The following COX19 variants were observed in gnomAD, a reference collection of about 807,000 sequenced individuals.
COX19 encodes cytochrome c oxidase assembly factor COX19, also known as cytochrome c oxidase assembly protein COX19.
Under a neutral mutation model 6.8 loss-of-function variants are expected in COX19, and 8 were observed. The observed-to-expected ratio is 1.18, with a 90% confidence interval of 0.69 to 2.12. The LOEUF (loss-of-function observed/expected upper bound fraction) is 2.12. Among genes scored for constraint, COX19 ranks in the 30% most tolerant of loss-of-function variants. COX19 has a pLI of 0.00. For missense variants in COX19, 131 were observed against 104.6 expected, an observed-to-expected ratio of 1.25 and a Z score of -1.10; for synonymous variants, 51 against 38.0, an observed-to-expected ratio of 1.34 and a Z score of -1.26.
rs1847603206 is a variant in COX19 at position 969,320 on chromosome 7, T to C, written c.*58A>G. On this transcript the variant is annotated 3_prime_UTR_variant, in exon 3 of 3. Coordinates refer to ENST00000344111, the MANE Select transcript of COX19 (RefSeq NM_001031617.3). ...GCCTCAGCCAACCTAAGAGGCAGGA[T>C]GATGCCCTCCGTCCTGAGAGACCAC... 3.7e-6 allele frequency: 4 copies of C among 1,084,350 alleles called. No individual in the cohort carries two copies. In the South Asian group the frequency reaches 3.7e-5, roughly 10 times the overall value. The allele number at this position is 1,084,350 out of a possible 1,614,324, so 67.2% of individuals were successfully genotyped here.
At position 965,341 on chromosome 7, in the gene COX19, G is replaced by A. The variant is rs763399750; in HGVS notation, c.*4037C>T. 1.0e-3 allele frequency among the ~76,000 whole-genome samples: 159 copies of A among 152,142 alleles called. 1 individual carries two copies. Among genetic ancestry groups the A allele is most frequent in the Non-Finnish European group, 1.9e-3 (127 of 68,030 alleles). On this transcript the variant is annotated 3_prime_UTR_variant, in exon 3 of 3. Coordinates refer to ENST00000344111, the MANE Select transcript of COX19 (RefSeq NM_001031617.3). ...CAAATAACATCTTACATAACACTGG[G>A]CCAGCGCTGCCAGTCACTTCGCAGA... is the stretch of plus-strand genomic sequence containing the variant.
chr7:970,988 T>C (rs901719043), intron 2 of COX19, among the ~76,000 whole-genome samples: 24 of 152,304 alleles, frequency 1.6e-4, no homozygotes, highest in African/African-American at 5.3e-4. Context: ...GTTACTATCA[T>C]GTGAACTCAC....
chr7:965,468 G>A lies in COX19; in HGVS notation c.*3910C>T, dbSNP rs1488277668. 6.6e-6 allele frequency among the ~76,000 whole-genome samples: 1 copy of A among 152,152 alleles called. No individual in the cohort carries two copies. The highest frequency in any genetic ancestry group is 1.5e-5 in the Non-Finnish European group (1 of 68,038). ...GAGGTGATACCGTGCCCTCAGGGAC[G>A]CCCCCAGGTCGGTGCGGCCTGTGCG... On this transcript the variant is annotated 3_prime_UTR_variant, in exon 3 of 3. Transcript: ENST00000344111.
In COX19 at chr7:968,575, G is replaced by A. The variant is rs1040556454; in HGVS notation, c.*803C>T. 3.3e-5 allele frequency: 5 copies of A among 152,252 alleles called. No individual in the cohort carries two copies. Among genetic ancestry groups the A allele is most frequent in the East Asian group, 1.9e-4 (1 of 5,204 alleles). 9.4% of individuals were successfully genotyped at this position (152,252 alleles called of 1,614,324 possible). A position where few individuals can be genotyped will look rare whatever the true frequency, so the allele number is the denominator to read the frequency against. On this transcript the variant is annotated 3_prime_UTR_variant, in exon 3 of 3. Coordinates refer to ENST00000344111, the MANE Select transcript of COX19 (RefSeq NM_001031617.3). ...CTGACGCACTGGGTGGACATGGGCC[G>A]GGTTTCCGTGACCCACAGGCAACTT...
At chr7:974,985 T>G (rs1435731799) in intron 1 of COX19, 1 of 156,586 alleles carries the variant, frequency 6.4e-6, no homozygotes, top group African/African-American at 2.4e-5. Context: ...AGCCTTCATG[T>G]CCACGGAGGC....
intron 2 of COX19, among the ~76,000 whole-genome samples, chr7:970,130 G>A (rs543486901): frequency 6.5e-4 from 98 of 151,694 alleles, no homozygotes; most frequent in South Asian, 1.3e-3. Flanking sequence ...GCCACCATGC[G>A]TGGCTAATTT....
intron 2 of COX19, 189 bp downstream of exon 2, chr7:972,992 T>C (rs1847656251): frequency 2.6e-6 from 1 of 378,320 alleles, no homozygotes; most frequent in Non-Finnish European, 4.8e-6. Flanking sequence ...GTTCCCAAGA[T>C]TGTGAAACAG....
intron 2 of COX19, among the ~76,000 whole-genome samples, chr7:969,787 C>T (rs751393968): frequency 3.3e-5 from 5 of 152,256 alleles, no homozygotes; most frequent in East Asian, 1.9e-4. Context: ...AACAGCTTCA[C>T]GCTGACCTCT....
chr7:975,174 G>A, intron 1 of COX19: 1 of 417,468 alleles, frequency 2.4e-6, no homozygotes, highest in Non-Finnish European at 4.3e-6. Context: ...GGGCGGAGCC[G>A]GAGACCCGGA....
chr7:975,301 C>T lies in COX19; in HGVS notation c.82+127G>A, dbSNP rs999869417. Reference sequence around the variant, plus strand: ...CCCAGGGCTGGGTGGGGCGGAGGGGCGGGCCGCCGTGCCTCAGTTTCCCCG... The same window carrying T: ...CCCAGGGCTGGGTGGGGCGGAGGGGTGGGCCGCCGTGCCTCAGTTTCCCCG... On this transcript the variant is annotated intron_variant, in intron 1 of 2. Transcript: ENST00000344111. 1.3e-5 allele frequency: 9 copies of T among 685,460 alleles called. No homozygotes were observed. In the Admixed American group the frequency reaches 1.9e-4, roughly 15 times the overall value. 42.5% of individuals were successfully genotyped at this position (685,460 alleles called of 1,614,324 possible). A position where few individuals can be genotyped will look rare whatever the true frequency, so the allele number is the denominator to read the frequency against.
chr7:965,767 A>C lies in COX19; in HGVS notation c.*3611T>G, dbSNP rs1023338760. Among the ~76,000 whole-genome samples, 5 of 152,214 alleles carry C rather than the reference A, an allele frequency of 3.3e-5. No homozygotes were observed. The highest frequency in any genetic ancestry group is 1.2e-4 in the African/African-American group (5 of 41,458). On this transcript the variant is annotated 3_prime_UTR_variant, in exon 3 of 3. Transcript: ENST00000344111. The stretch of plus-strand genomic sequence containing the variant: ...CAATTCTCCCACCTCGGCCTCCCGA[A>C]TAGCTGGATTACAGACACACGCCAC...
In COX19 at chr7:969,247, G is replaced by A. The variant is rs1452014704; in HGVS notation, c.*131C>T. 8.7e-6 allele frequency: 6 copies of A among 693,510 alleles called. No homozygotes were observed. The East Asian group carries it at 1.5e-4, about 17-fold the overall frequency. The allele number at this position is 693,510 out of a possible 1,614,324, so 43.0% of individuals were successfully genotyped here. A position where few individuals can be genotyped will look rare whatever the true frequency, so the allele number is the denominator to read the frequency against. On this transcript the variant is annotated 3_prime_UTR_variant, in exon 3 of 3. Coordinates refer to ENST00000344111, the MANE Select transcript of COX19 (RefSeq NM_001031617.3). ...TCCCTACCCAGGAGACGCCCCCACAGGGCTGGAGCTTCTATTCGAAGCCCA... is the reference window on the plus strand; with the variant it reads ...TCCCTACCCAGGAGACGCCCCCACAAGGCTGGAGCTTCTATTCGAAGCCCA...
rs199675478 is a variant in COX19 at position 969,425 on chromosome 7, G to C, written c.226C>G (p.Leu76Val). The C allele has an allele frequency of 6.2e-7, 1 of 1,611,590 alleles. No homozygotes were observed. The highest frequency in any genetic ancestry group is 1.3e-5 in the African/African-American group (1 of 75,014). ...CCACTAGTCAAGTCTCCAAATCCCA[G>C]TTTCTCCAATGGTTCTTGTAGCATC... ...KLMLQEPLEK[L>V]GFGDLTSGKS... is the part of the protein sequence containing the mutation. Residue 76 changes from leucine to valine, a missense_variant, in exon 3 of 3, where the codon CTG (leucine) becomes GTG (valine). Leu to Val is a conservative substitution (Grantham distance 32, BLOSUM62 1). Coordinates refer to ENST00000344111, the MANE Select transcript of COX19 (RefSeq NM_001031617.3).
chr7:965,096 C>T lies in COX19; in HGVS notation c.*4282G>A, dbSNP rs555805945. The stretch of plus-strand genomic sequence containing the variant: ...AGGAGTCAGGTTGTCCACACAATGG[C>T]GCTATTTTGGGATTCCGGCTTCTCT... On this transcript the variant is annotated 3_prime_UTR_variant, in exon 3 of 3. Transcript: ENST00000344111. Among the ~76,000 whole-genome samples, 2 of 152,296 alleles carry T rather than the reference C, an allele frequency of 1.3e-5. No homozygotes were observed. Among genetic ancestry groups the T allele is most frequent in the East Asian group, 1.9e-4 (1 of 5,184 alleles).
At chr7:971,834 G>A (rs906568262) in intron 2 of COX19, among the ~76,000 whole-genome samples, 2 of 152,222 alleles carry the variant, frequency 1.3e-5, no homozygotes, top group African/African-American at 2.4e-5. Context: ...TCATGCCACT[G>A]CGCTCCAGCC....
chr7:974,392 T>C (rs1351764042), intron 1 of COX19, among the ~76,000 whole-genome samples: 1 of 152,114 alleles, frequency 6.6e-6, no homozygotes, highest in Admixed American at 6.6e-5. Flanking sequence ...ATTGCACCAC[T>C]GCACTCCAGC....
At chr7:969,958 T>A (rs1032463480) in intron 2 of COX19, among the ~76,000 whole-genome samples, 14 of 51,218 alleles carry the variant, frequency 2.7e-4, no homozygotes, top group East Asian at 9.4e-4. Flanking sequence ...TATCTGATAT[T>A]TTTTTTTTTT....
At chr7:969,575 G>A in intron 2 of COX19, 119 bp from the exon 3 acceptor site, 2 of 729,290 alleles carry the variant, frequency 2.7e-6, no homozygotes, top group Admixed American at 4.4e-5. Context: ...TATGTCCTGG[G>A]AGAGTGGCCC....
At chr7:972,117 T>G (rs1364188189) in intron 2 of COX19, among the ~76,000 whole-genome samples, 2 of 152,098 alleles carry the variant, frequency 1.3e-5, no homozygotes, top group Non-Finnish European at 2.9e-5. Context: ...ATGGAGAAAT[T>G]CTCAGTTCCA....
Sources: gnomAD v4.1 joint callset for allele counts (sites outside exome capture counted in the v4.1 genomes callset) on GRCh38, gnomAD v4.1.1 for gene constraint, MANE v1.5 for transcripts, NCBI Gene and HGNC (gene_info 2026-07-23, HGNC 2026-07-21) for gene names.